The following UHRF2 variants were observed in gnomAD, a reference collection of about 807,000 sequenced individuals.
The protein encoded by UHRF2 is E3 ubiquitin-protein ligase UHRF2.
UHRF2 carries 23 observed loss-of-function variants against 96.8 expected under a neutral mutation model. That is an observed-to-expected ratio of 0.24 (90% CI 0.17 to 0.34). The LOEUF (loss-of-function observed/expected upper bound fraction) is 0.34, where lower values mean the gene tolerates loss of function less well. Among genes scored for constraint, UHRF2 ranks in the 10% least tolerant of loss-of-function variants. UHRF2 has a pLI of 1.00. For synonymous variants in UHRF2, 385 were observed against 332.6 expected (o/e 1.16, Z -1.72); for missense variants, 685 against 981.5 (o/e 0.70, Z 4.04).
chr9:6,436,014 G>A (rs963131078), intron 3 of UHRF2, among the ~76,000 whole-genome samples: 1 of 152,166 alleles, frequency 6.6e-6, no homozygotes, highest in African/African-American at 2.4e-5. Flanking sequence ...AAAAATTGTA[G>A]TACGAAAGTT....
In UHRF2 at chr9:6,477,386, C is replaced by T. The variant is rs151263193; in HGVS notation, c.974-236C>T. ...CTAAAAAATAAAAAAATTAGCCAGG[C>T]GTGGTGGCACATGCCTGTAATCCCA... On this transcript the variant is annotated intron_variant, in intron 5 of 15. Coordinates refer to ENST00000276893, the MANE Select transcript of UHRF2 (RefSeq NM_152896.3). 3.7e-3 allele frequency among the ~76,000 whole-genome samples: 564 copies of T among 150,800 alleles called. 7 individuals carry two copies. The highest frequency in any genetic ancestry group is 0.013 in the African/African-American group (549 of 40,978).
intron 2 of UHRF2, among the ~76,000 whole-genome samples, chr9:6,427,601 C>G (rs1820330491): frequency 2.0e-5 from 3 of 152,126 alleles, no homozygotes; most frequent in Admixed American, 2.0e-4. Flanking sequence ...GGGAGAATCA[C>G]TTGAACCCAG....
chr9:6,434,001 C>G lies in UHRF2; in HGVS notation c.472C>G (p.Gln158Glu). Residue 158 changes from glutamine to glutamate, a missense_variant, in exon 3 of 16, where the codon CAG (glutamine) becomes GAG (glutamate). This residue lies in a region of UHRF2 where 391 missense variants were observed against 437.0 expected (regional missense o/e 0.89). Transcript: ENST00000276893. ...TAGTGTTACTAGAGCTTCTGATGGA[C>G]AGTCACGTGGCAAAACTCCACTGAA... ...IHSVTRASDGQSRGKTPLKNG... is the reference protein window; with the variant it reads ...IHSVTRASDGESRGKTPLKNG... 6 of 1,614,052 alleles carry G rather than the reference C, an allele frequency of 3.7e-6. No individual in the cohort carries two copies. The South Asian group carries it at 6.6e-5, about 18-fold the overall frequency.
chr9:6,503,339 C>G (rs1231751454), intron 14 of UHRF2, among the ~76,000 whole-genome samples: 1 of 151,924 alleles, frequency 6.6e-6, no homozygotes, highest in Non-Finnish European at 1.5e-5. Flanking sequence ...GAAATATACT[C>G]CCTTACTACC....
At chr9:6,453,284 G>T (rs1399751785) in intron 3 of UHRF2, among the ~76,000 whole-genome samples, 1 of 151,886 alleles carries the variant, frequency 6.6e-6, no homozygotes, top group Non-Finnish European at 1.5e-5. Context: ...TTCCATTCTG[G>T]GTATTTAATT....
chr9:6,473,416 C>A (rs1432394546), intron 4 of UHRF2, among the ~76,000 whole-genome samples: 1 of 152,104 alleles, frequency 6.6e-6, no homozygotes, highest in Non-Finnish European at 1.5e-5. Context: ...TTAGTGAGGT[C>A]ATTTCTCTGT....
chr9:6,480,139 T>G (rs113506777), intron 6 of UHRF2, among the ~76,000 whole-genome samples: 1,676 of 152,320 alleles, frequency 0.011, 19 homozygotes, highest in Middle Eastern at 0.024. Context: ...TACCCACCTT[T>G]GTCTTCCTCA....
intron 6 of UHRF2, among the ~76,000 whole-genome samples, chr9:6,480,383 G>A (rs1417515280): frequency 6.6e-6 from 1 of 152,178 alleles, no homozygotes; most frequent in Non-Finnish European, 1.5e-5. Flanking sequence ...TCCCCAGCAC[G>A]AAAATAGTGC....
At chr9:6,435,192 C>G (rs1820769338) in intron 3 of UHRF2, among the ~76,000 whole-genome samples, 1 of 151,886 alleles carries the variant, frequency 6.6e-6, no homozygotes, top group Non-Finnish European at 1.5e-5. Flanking sequence ...TGGGGTTTCA[C>G]CATGTTGGCC....
chr9:6,424,972 A>C (rs949773528), intron 2 of UHRF2, among the ~76,000 whole-genome samples: 4 of 152,142 alleles, frequency 2.6e-5, no homozygotes, highest in Non-Finnish European at 5.9e-5. Context: ...AGTATAACTT[A>C]GGTTTTACAT....
intron 1 of UHRF2, chr9:6,413,883 G>C (rs1819434557): frequency 2.4e-6 from 1 of 415,846 alleles, no homozygotes; most frequent in East Asian, 3.9e-5. Flanking sequence ...AGGGCGTCCG[G>C]AGCGCAAATA....
chr9:6,434,595 C>T (rs1037311923), intron 3 of UHRF2, among the ~76,000 whole-genome samples: 7 of 151,844 alleles, frequency 4.6e-5, no homozygotes, highest in Non-Finnish European at 1.5e-5. Context: ...CATATCACCA[C>T]GCCTGATTAA....
intron 1 of UHRF2, among the ~76,000 whole-genome samples, chr9:6,417,048 A>G (rs1819648444): frequency 6.6e-6 from 1 of 152,140 alleles, no homozygotes; most frequent in Non-Finnish European, 1.5e-5. Context: ...TATGATGTAT[A>G]TAACATATAT....
At chr9:6,497,038 G>T in intron 10 of UHRF2, 160 bp from the exon 11 acceptor site, 1 of 692,992 alleles carries the variant, frequency 1.4e-6, no homozygotes, top group Non-Finnish European at 2.2e-6. Context: ...TTCTCTGCTG[G>T]TGGGGGAAAG....
At chr9:6,451,827 AGGCTG>A (rs1373131511) in intron 3 of UHRF2, among the ~76,000 whole-genome samples, 4 of 150,904 alleles carry the variant, frequency 2.7e-5, no homozygotes, top group Admixed American at 6.6e-5. Context: ...GTCTGTCACC[AGGCTG>A]GAGTGCAGTG....
intron 1 of UHRF2, 138 bp from the exon 2 acceptor site, chr9:6,420,774 T>G: frequency 1.6e-6 from 1 of 643,554 alleles, no homozygotes; most frequent in Non-Finnish European, 2.7e-6. Flanking sequence ...TCAGAGGCCA[T>G]TAAGTATTAA....
intron 8 of UHRF2, among the ~76,000 whole-genome samples, chr9:6,486,490 G>C (rs1587864273): frequency 6.6e-6 from 1 of 152,202 alleles, no homozygotes; most frequent in African/African-American, 2.4e-5. Flanking sequence ...TCCTCTTTTA[G>C]CTGAGTTGAG....
At chr9:6,483,183 G>C (rs1162871636) in intron 8 of UHRF2, among the ~76,000 whole-genome samples, 3 of 151,894 alleles carry the variant, frequency 2.0e-5, no homozygotes, top group Non-Finnish European at 2.9e-5. Flanking sequence ...AAATCAGACA[G>C]GTGTGGTGGC....
chr9:6,503,143 C>T (rs772784717), intron 14 of UHRF2, among the ~76,000 whole-genome samples: 47 of 151,938 alleles, frequency 3.1e-4, no homozygotes, highest in Non-Finnish European at 5.1e-4. Flanking sequence ...TGCAGGCACC[C>T]GCCACCACGC....
Sources: allele counts gnomAD v4.1 joint callset (sites outside exome capture counted in the v4.1 genomes callset), GRCh38; gene constraint gnomAD v4.1.1; regional missense constraint gnomAD v4.1.1; transcripts MANE v1.5; gene names NCBI Gene and HGNC (gene_info 2026-07-23, HGNC 2026-07-21).